THSD7A: variants seen among roughly 807,000 people sequenced by gnomAD.
The protein encoded by THSD7A is thrombospondin type 1 domain containing 7A.
THSD7A carries 96 observed loss-of-function variants against 231.3 expected under a neutral mutation model. The ratio of observed to expected loss-of-function variants is 0.41; its 90% confidence interval spans 0.35 to 0.49. The LOEUF is 0.49. Among genes scored for constraint, THSD7A ranks in the 20% least tolerant of loss-of-function variants. The pLI, the probability that THSD7A is intolerant of heterozygous loss-of-function variation, is 0.05. For missense variants in THSD7A, 2,290 were observed against 2,070.2 expected, an observed-to-expected ratio of 1.11 and a Z score of -2.06; for synonymous variants, 940 against 743.3, an observed-to-expected ratio of 1.26 and a Z score of -4.30.
rs148749739 is a variant in THSD7A at position 11,449,975 on chromosome 7, T to G, written c.2606-2551A>C. ...TCACTGTTTGTAACTAAAAGAAAAT[T>G]AAAAATTACCAAACTAAATTTGGGT... On this transcript the variant is annotated intron_variant, in intron 11 of 27. Transcript: ENST00000423059. 1.2e-4 allele frequency among the ~76,000 whole-genome samples: 18 copies of G among 152,188 alleles called. No individual in the cohort carries two copies. The East Asian group carries it at 3.5e-3, about 29-fold the overall frequency.
At chr7:11,611,880 ATCTATCTG>A (rs1319167323) in intron 2 of THSD7A, among the ~76,000 whole-genome samples, 152 of 146,894 alleles carry the variant, frequency 1.0e-3, no homozygotes, top group Admixed American at 1.6e-3. Flanking sequence ...CTATCTATCT[ATCTATCTG>A]TCTATCTTTC....
intron 4 of THSD7A, among the ~76,000 whole-genome samples, chr7:11,566,388 G>T (rs1485629804): frequency 6.6e-6 from 1 of 152,132 alleles, no homozygotes; most frequent in Non-Finnish European, 1.5e-5. Context: ...ACTACATTTG[G>T]GTTGAAATCC....
At chr7:11,448,983 A>C (rs888272417) in intron 11 of THSD7A, among the ~76,000 whole-genome samples, 3 of 152,064 alleles carry the variant, frequency 2.0e-5, no homozygotes, top group Non-Finnish European at 4.4e-5. Flanking sequence ...AAAAAACATT[A>C]AGTGTCTCAA....
At chr7:11,683,369 A>G (rs1406846081) in intron 1 of THSD7A, among the ~76,000 whole-genome samples, 4 of 152,030 alleles carry the variant, frequency 2.6e-5, no homozygotes, top group African/African-American at 9.7e-5. Flanking sequence ...AAAAGAAATA[A>G]CTACAATCAG....
intron 1 of THSD7A, among the ~76,000 whole-genome samples, chr7:11,751,782 G>T (rs1248727085): frequency 6.6e-6 from 1 of 151,934 alleles, no homozygotes; most frequent in Non-Finnish European, 1.5e-5. Context: ...CTGCTCTTTG[G>T]TCAATTTCTG....
rs1265997024 is a variant in THSD7A, at chr7:11,632,183, T to A, written c.1022+3947A>T. ...TTTCAGTATTTTCCTGTCTAATACA[T>A]CTATTTTTCCCTTATAAATTTCACA... On this transcript the variant is annotated intron_variant, in intron 2 of 27. Coordinates refer to ENST00000423059, the MANE Select transcript of THSD7A (RefSeq NM_015204.3). The surrounding 1 kb of genome is among the most constrained non-coding windows in gnomAD (Gnocchi z 4.1). 1.3e-5 allele frequency among the ~76,000 whole-genome samples: 2 copies of A among 152,138 alleles called. No homozygotes were observed. Among genetic ancestry groups the A allele is most frequent in the Non-Finnish European group, 2.9e-5 (2 of 68,006 alleles).
chr7:11,820,673 A>G, intron 1 of THSD7A: 1 of 828,662 alleles, frequency 1.2e-6, no homozygotes, highest in Non-Finnish European at 2.1e-6. Flanking sequence ...ACCCACAAAG[A>G]CTTTAGTCCC....
intron 1 of THSD7A, among the ~76,000 whole-genome samples, chr7:11,670,127 C>T (rs936231854): frequency 6.6e-6 from 1 of 152,132 alleles, no homozygotes; most frequent in Non-Finnish European, 1.5e-5. Flanking sequence ...AGCACAAAGA[C>T]AGGCAAAAAG....
At chr7:11,628,731 T>C (rs1023080813) in intron 2 of THSD7A, among the ~76,000 whole-genome samples, 9 of 152,154 alleles carry the variant, frequency 5.9e-5, no homozygotes, top group African/African-American at 2.2e-4. Context: ...AATGAAAAGG[T>C]AAATAAGTAA....
intron 1 of THSD7A, among the ~76,000 whole-genome samples, chr7:11,760,960 ATTATAAT>A (rs1194234605): frequency 1.3e-5 from 2 of 148,158 alleles, no homozygotes; most frequent in Non-Finnish European, 3.0e-5. Flanking sequence ...TAAATTATAA[ATTATAAT>A]TTATATATTT....
At chr7:11,624,361 A>G (rs952284052) in intron 2 of THSD7A, among the ~76,000 whole-genome samples, 1 of 152,126 alleles carries the variant, frequency 6.6e-6, no homozygotes, top group East Asian at 1.9e-4. Flanking sequence ...TTTCTGCCTT[A>G]CCATCAAGGT....
chr7:11,669,559 A>T (rs533219922), intron 1 of THSD7A, among the ~76,000 whole-genome samples: 1 of 152,056 alleles, frequency 6.6e-6, no homozygotes, highest in South Asian at 2.1e-4. Context: ...AATTAGAGAA[A>T]ATTCAGACCA....
intron 4 of THSD7A, among the ~76,000 whole-genome samples, chr7:11,582,112 G>A (rs976291014): frequency 2.6e-5 from 4 of 151,734 alleles, no homozygotes; most frequent in South Asian, 2.1e-4. Context: ...TAGATAGTCC[G>A]TGTAAAAAAA....
intron 1 of THSD7A, among the ~76,000 whole-genome samples, chr7:11,782,360 G>A (rs952720420): frequency 1.6e-4 from 25 of 152,176 alleles, no homozygotes; most frequent in African/African-American, 5.1e-4. Context: ...ATGGGCCTAT[G>A]ATGTCGTTAT....
At chr7:11,551,464 T>A (rs62434463) in intron 4 of THSD7A, among the ~76,000 whole-genome samples, 1 of 152,066 alleles carries the variant, frequency 6.6e-6, no homozygotes, top group Non-Finnish European at 1.5e-5. Context: ...AGGTCTAATA[T>A]CCTGAATCTA....
At chr7:11,483,197 G>A (rs1011971991) in intron 6 of THSD7A, among the ~76,000 whole-genome samples, 4 of 152,116 alleles carry the variant, frequency 2.6e-5, no homozygotes, top group African/African-American at 7.2e-5. Flanking sequence ...GGAGTTAGGA[G>A]CATCATTTTA....
chr7:11,656,937 AT>A (rs1198531336), intron 1 of THSD7A, among the ~76,000 whole-genome samples: 1 of 151,864 alleles, frequency 6.6e-6, no homozygotes, highest in African/African-American at 2.4e-5. Context: ...AGAGAAAAAG[AT>A]TAACTTTGAT....
At chr7:11,445,134 G>A (rs1047626348) in intron 13 of THSD7A, among the ~76,000 whole-genome samples, 5 of 151,780 alleles carry the variant, frequency 3.3e-5, no homozygotes, top group African/African-American at 1.2e-4. Context: ...TAATATTTCA[G>A]CAAGGTTGGA....
At chr7:11,476,362 C>CACACACACA (rs1562640784) in intron 7 of THSD7A, among the ~76,000 whole-genome samples, 7 of 143,958 alleles carry the variant, frequency 4.9e-5, no homozygotes, top group Non-Finnish European at 3.0e-5. Flanking sequence ...CACACACACA[C>CACACACACA]CATTTTTTTA....
Sources: allele counts gnomAD v4.1 joint callset (sites outside exome capture counted in the v4.1 genomes callset), GRCh38; gene constraint gnomAD v4.1.1; non-coding constraint Gnocchi (gnomAD v3.1); transcripts MANE v1.5; gene names NCBI Gene and HGNC (gene_info 2026-07-23, HGNC 2026-07-21).